Variants in MKLN1 observed in about 807,000 individuals in gnomAD.
The protein encoded by MKLN1 is muskelin 1, also known as muskelin.
MKLN1 carries 18 observed loss-of-function variants against 99.0 expected under a neutral mutation model. The observed-to-expected ratio is 0.18, with a 90% CI of 0.13 to 0.27. MKLN1 has a LOEUF of 0.27. MKLN1 is among the 10% of genes least tolerant of loss of function. The pLI is 1.00. For synonymous variants in MKLN1, 288 were observed against 293.2 expected (o/e 0.98, Z 0.18); for missense variants, 621 against 875.9 (o/e 0.71, Z 3.67).
chr7:131,478,632 C>G lies in MKLN1; in HGVS notation c.2041C>G (p.Leu681Val). Residue 681 changes from leucine (L) to valine (V), a missense_variant, in exon 17 of 18, where the codon CTG (leucine) becomes GTG (valine). Transcript: ENST00000352689. ...DPEETKEFQL[L>V]ASALFKSGSD... is the part of the protein sequence containing the mutation. The stretch of plus-strand genomic sequence containing the variant: ...TTTTTTTTTTAAACAGTTTCAGCTC[C>G]TGGCATCAGCTCTATTCAAATCTGG... 1 of 1,417,506 alleles carries G rather than the reference C, an allele frequency of 7.1e-7. No homozygotes were observed. The highest frequency in any genetic ancestry group is 9.3e-7 in the Non-Finnish European group (1 of 1,078,100). The allele number at this position is 1,417,506 out of a possible 1,614,324, so 87.8% of individuals were successfully genotyped here.
intron 3 of MKLN1, among the ~76,000 whole-genome samples, chr7:131,222,605 T>G (rs915319436): frequency 6.6e-6 from 1 of 152,152 alleles, no homozygotes; most frequent in African/African-American, 2.4e-5. Flanking sequence ...TCCTGGTGTA[T>G]CCACTGGCAG....
chr7:131,422,578 A>G (rs1187276889), intron 8 of MKLN1, among the ~76,000 whole-genome samples: 1 of 152,054 alleles, frequency 6.6e-6, no homozygotes, highest in Non-Finnish European at 1.5e-5. Flanking sequence ...AAAAAAGAAC[A>G]CCTTCACTAG....
chr7:131,349,626 A>C (rs1438408371), intron 1 of MKLN1, among the ~76,000 whole-genome samples: 1 of 152,244 alleles, frequency 6.6e-6, no homozygotes, highest in Non-Finnish European at 1.5e-5. Flanking sequence ...GAAAAGGGAT[A>C]GTTCTTTGTT....
intron 3 of MKLN1, among the ~76,000 whole-genome samples, chr7:131,238,846 G>A (rs950145956): frequency 3.3e-5 from 5 of 152,200 alleles, no homozygotes; most frequent in African/African-American, 1.2e-4. Flanking sequence ...AACAGACAGG[G>A]AGAGAACATG....
At chr7:131,234,168 CGGGGTTTCACCATGTT>C (rs1007405100) in intron 3 of MKLN1, among the ~76,000 whole-genome samples, 2 of 151,380 alleles carry the variant, frequency 1.3e-5, no homozygotes, top group African/African-American at 4.9e-5. Flanking sequence ...TTAGTAGAGA[CGGGGTTTCACCATGTT>C]GGCCAGGCTG....
intron 3 of MKLN1, among the ~76,000 whole-genome samples, chr7:131,230,343 G>A (rs1283459475): frequency 3.9e-5 from 6 of 152,150 alleles, no homozygotes; most frequent in African/African-American, 1.4e-4. Context: ...TTGGCCAAAA[G>A]GGGGTCTGTT....
At chr7:131,209,090 G>A (rs1437028173) in intron 3 of MKLN1, among the ~76,000 whole-genome samples, 6 of 152,138 alleles carry the variant, frequency 3.9e-5, no homozygotes, top group Admixed American at 2.0e-4. Context: ...AGAAGGTTCC[G>A]ACATCCTCAA....
chr7:131,291,235 A>C (rs564130158), intron 3 of MKLN1, among the ~76,000 whole-genome samples: 113 of 151,782 alleles, frequency 7.4e-4, no homozygotes, highest in African/African-American at 2.6e-3. Flanking sequence ...GGTTCAAGCA[A>C]TTATCCTGCC....
chr7:131,350,557 C>T (rs1799690651), intron 1 of MKLN1, among the ~76,000 whole-genome samples: 1 of 152,166 alleles, frequency 6.6e-6, no homozygotes, highest in Non-Finnish European at 1.5e-5. Flanking sequence ...AGATCTGCCT[C>T]TAAGCTTATT....
chr7:131,171,379 G>A (rs1796212628), intron 2 of MKLN1, among the ~76,000 whole-genome samples: 4 of 152,312 alleles, frequency 2.6e-5, no homozygotes, highest in Non-Finnish European at 5.9e-5. Context: ...TTGGCAGGTG[G>A]GAGAGGGGAA....
intron 1 of MKLN1, among the ~76,000 whole-genome samples, chr7:131,341,224 C>G (rs1008411818): frequency 4.7e-5 from 7 of 150,396 alleles, no homozygotes; most frequent in Non-Finnish European, 8.9e-5. Flanking sequence ...CCATACGGTT[C>G]TTCTACTTTA....
In MKLN1 at chr7:131,234,336, TAAATTCATTAGTTGTAAC is replaced by T. The variant is rs1439770296; in HGVS notation, c.-179+31363_-179+31380del. 2.6e-5 allele frequency among the ~76,000 whole-genome samples: 4 copies of T among 152,322 alleles called. No homozygotes were observed. In the East Asian group the frequency reaches 7.7e-4, roughly 29 times the overall value. On this transcript the variant is annotated intron_variant, in intron 3 of 7. Transcript: ENST00000416992. ...ATAGGGGAAGAAGAAGAAAATTAAC[TAAATTCATTAGTTGTAAC>T]TTTTTCTCAAGCATTCACATTTCTG... is the stretch of plus-strand genomic sequence containing the variant.
At chr7:131,345,586 C>T (rs1481731474) in intron 1 of MKLN1, among the ~76,000 whole-genome samples, 2 of 152,068 alleles carry the variant, frequency 1.3e-5, no homozygotes, top group Non-Finnish European at 1.5e-5. Flanking sequence ...TGGTGTTGTG[C>T]TCCTGTAGTT....
intron 6 of MKLN1, among the ~76,000 whole-genome samples, chr7:131,400,356 A>G (rs146383414): frequency 1.3e-5 from 2 of 151,938 alleles, no homozygotes; most frequent in East Asian, 3.9e-4. Context: ...TTGAAATATG[A>G]CAAATCTGCT....
intron 1 of MKLN1, among the ~76,000 whole-genome samples, chr7:131,362,654 C>G (rs1005210312): frequency 2.0e-5 from 3 of 152,004 alleles, no homozygotes; most frequent in Non-Finnish European, 4.4e-5. Context: ...CAGTTGCTGT[C>G]TTTTGTATCT....
chr7:131,480,447 G>A (rs1020255723), intron 17 of MKLN1, among the ~76,000 whole-genome samples: 7 of 152,178 alleles, frequency 4.6e-5, no homozygotes, highest in Non-Finnish European at 7.3e-5. Context: ...AAATAGAGGT[G>A]TTCTTGAGGT....
At chr7:131,275,557 ATATATATATATTTTTTTTTTTTT>A (rs1465896023) in intron 3 of MKLN1, among the ~76,000 whole-genome samples, 8 of 15,666 alleles carry the variant, frequency 5.1e-4, no homozygotes, top group African/African-American at 2.5e-3. Context: ...ATATATATAT[ATATATATATATTTTTTTTTTTTT>A]TTTTTTTTTT....
intron 2 of MKLN1, among the ~76,000 whole-genome samples, chr7:131,192,566 G>C (rs2116389864): frequency 6.8e-6 from 1 of 146,020 alleles, no homozygotes; most frequent in East Asian, 2.0e-4. Context: ...TTTTGAGATG[G>C]AGTCTCACCC....
intron 9 of MKLN1, among the ~76,000 whole-genome samples, chr7:131,432,445 G>A (rs1795552797): frequency 6.6e-6 from 1 of 151,180 alleles, no homozygotes; most frequent in Non-Finnish European, 1.5e-5. Flanking sequence ...CTTTCTGTTA[G>A]TTCAAAGTCA....
Sources: allele counts gnomAD v4.1 joint callset (sites outside exome capture counted in the v4.1 genomes callset), GRCh38; gene constraint gnomAD v4.1.1; transcripts MANE v1.5; gene names NCBI Gene and HGNC (gene_info 2026-07-23, HGNC 2026-07-21).